The following IMMP1L variants were observed in gnomAD, a reference collection of about 807,000 sequenced individuals.
IMMP1L encodes the protein mitochondrial inner membrane protease subunit 1.
A neutral mutation model predicts 21.8 loss-of-function variants in IMMP1L; 24 were observed. That is an observed-to-expected ratio of 1.10 (90% CI 0.80 to 1.55). The LOEUF (loss-of-function observed/expected upper bound fraction) is 1.55, where lower values mean the gene tolerates loss of function less well. Among genes scored for constraint, IMMP1L ranks in the 40% most tolerant of loss-of-function variants. The probability of loss-of-function intolerance (pLI) is 0.00; values close to 1 mark genes in which losing one functional copy is unlikely to be tolerated. For missense variants in IMMP1L, 195 were observed against 200.7 expected, an observed-to-expected ratio of 0.97 and a Z score of 0.17; for synonymous variants, 46 against 62.8, an observed-to-expected ratio of 0.73 and a Z score of 1.26.
At chr11:31,501,301 A>G (rs1955610515) in intron 1 of IMMP1L, among the ~76,000 whole-genome samples, 1 of 152,202 alleles carries the variant, frequency 6.6e-6, no homozygotes, top group African/African-American at 2.4e-5. Flanking sequence ...TTTAATTCCC[A>G]GTGCAATAGT....
chr11:31,490,917 C>A (rs1955232464), intron 1 of IMMP1L, among the ~76,000 whole-genome samples: 1 of 152,126 alleles, frequency 6.6e-6, no homozygotes, highest in Non-Finnish European at 1.5e-5. Context: ...GAGAAAAGAA[C>A]AATGTGAAAA....
intron 1 of IMMP1L, among the ~76,000 whole-genome samples, chr11:31,471,983 T>TA (rs766209167): frequency 2.0e-5 from 3 of 152,276 alleles, no homozygotes; most frequent in East Asian, 3.9e-4. Context: ...CCTTTACTCA[T>TA]AGCCCCTTTG....
chr11:31,451,723 ATAT>A (rs1564975437), intron 4 of IMMP1L, among the ~76,000 whole-genome samples: 33 of 152,190 alleles, frequency 2.2e-4, no homozygotes, highest in Non-Finnish European at 7.3e-5. Context: ...GTTATACTTG[ATAT>A]AAATTTGAGA....
At chr11:31,444,393 C>T (rs898074790) in intron 4 of IMMP1L, among the ~76,000 whole-genome samples, 1 of 152,062 alleles carries the variant, frequency 6.6e-6, no homozygotes, top group African/African-American at 2.4e-5. Flanking sequence ...CTTTATGTTT[C>T]TGGTTATTTT....
At chr11:31,455,745 A>G (rs1276062002) in intron 4 of IMMP1L, among the ~76,000 whole-genome samples, 2 of 152,088 alleles carry the variant, frequency 1.3e-5, no homozygotes, top group East Asian at 3.8e-4. Context: ...GTTATATTGT[A>G]GAATGACCCT....
In IMMP1L at chr11:31,463,236, C is replaced by G. The variant is rs1164245426; in HGVS notation, c.41G>C (p.Gly14Ala). 3 of 1,612,488 alleles carry G rather than the reference C, an allele frequency of 1.9e-6. No homozygotes were observed. In the South Asian group the frequency reaches 3.3e-5, roughly 18 times the overall value. Residue 14 changes from glycine (G) to alanine (A), a missense_variant, in exon 2 of 6, where the codon GGC becomes GCC. Coordinates refer to ENST00000532287, the MANE Select transcript of IMMP1L (RefSeq NM_001304274.2). ...TATACAGCCATATTGAATAGTATAG[C>G]CAACAAGTCGAAAGGTTTTCCCCAG... is the stretch of plus-strand genomic sequence containing the variant. ...GVLGKTFRLV[G>A]YTIQYGCIAH...
At chr11:31,507,694 A>G (rs1955817364) in intron 1 of IMMP1L, among the ~76,000 whole-genome samples, 1 of 152,158 alleles carries the variant, frequency 6.6e-6, no homozygotes, top group Admixed American at 6.5e-5. Flanking sequence ...ATTTGGTCAA[A>G]GATACATAAT....
chr11:31,473,940 C>G (rs965286771), intron 1 of IMMP1L, among the ~76,000 whole-genome samples: 1 of 152,062 alleles, frequency 6.6e-6, no homozygotes, highest in Non-Finnish European at 1.5e-5. Context: ...TAAGCAATCA[C>G]AGAAATGATT....
chr11:31,468,856 C>T (rs1954451768), intron 1 of IMMP1L, among the ~76,000 whole-genome samples: 3 of 152,122 alleles, frequency 2.0e-5, no homozygotes, highest in Admixed American at 6.5e-5. Flanking sequence ...AAAGATAATG[C>T]TGCATTTAAC....
intron 1 of IMMP1L, chr11:31,473,774 A>G: frequency 1.0e-6 from 1 of 985,018 alleles, no homozygotes; most frequent in South Asian, 4.7e-5. Flanking sequence ...CTGATTGTTC[A>G]GGTCTGAAAT....
chr11:31,504,080 A>C (rs1054914124), intron 1 of IMMP1L, among the ~76,000 whole-genome samples: 4 of 152,242 alleles, frequency 2.6e-5, no homozygotes, highest in Non-Finnish European at 4.4e-5. Context: ...AAAAAAGTCA[A>C]TTCCAATAAA....
intron 4 of IMMP1L, chr11:31,452,866 T>A: frequency 1.5e-6 from 1 of 657,334 alleles, no homozygotes; most frequent in Non-Finnish European, 2.1e-6. Flanking sequence ...TTCTCCTGCC[T>A]CAGCCTCCCA....
In IMMP1L at chr11:31,447,672, T is replaced by G. The variant is rs973065066; in HGVS notation, c.321+8588A>C. On this transcript the variant is annotated intron_variant, in intron 4 of 5. Coordinates refer to ENST00000532287, the MANE Select transcript of IMMP1L (RefSeq NM_001304274.2). ...TTTATACATTTTCTTAAAGTAATTA[T>G]GAAAATTCTGTCCCAGGAGGAAAAC... 5.3e-5 allele frequency among the ~76,000 whole-genome samples: 8 copies of G among 152,232 alleles called. No individual in the cohort carries two copies. In the South Asian group the frequency reaches 6.2e-4, roughly 12 times the overall value.
intron 1 of IMMP1L, among the ~76,000 whole-genome samples, chr11:31,502,304 T>C (rs531521823): frequency 1.3e-5 from 2 of 152,240 alleles, no homozygotes; most frequent in African/African-American, 4.8e-5. Flanking sequence ...TTTTAAATTA[T>C]GTAATAAATG....
chr11:31,443,511 A>C (rs1953408843), intron 4 of IMMP1L, among the ~76,000 whole-genome samples: 1 of 152,126 alleles, frequency 6.6e-6, no homozygotes, highest in African/African-American at 2.4e-5. Flanking sequence ...TTTCATTGTC[A>C]TTCTCCTCGC....
intron 1 of IMMP1L, among the ~76,000 whole-genome samples, chr11:31,495,033 C>T (rs1353817817): frequency 1.3e-5 from 2 of 152,184 alleles, no homozygotes; most frequent in Non-Finnish European, 2.9e-5. Context: ...TCATTTCTTT[C>T]AAGTTCAAAG....
chr11:31,478,025 G>C (rs986129489), intron 1 of IMMP1L, among the ~76,000 whole-genome samples: 2 of 152,180 alleles, frequency 1.3e-5, no homozygotes, highest in Non-Finnish European at 1.5e-5. Context: ...GCCCTACTTA[G>C]AAGAATAAGC....
At chr11:31,508,001 A>C in intron 1 of IMMP1L, among the ~76,000 whole-genome samples, 1 of 152,000 alleles carries the variant, frequency 6.6e-6, no homozygotes. Context: ...ACAGCATCAA[A>C]AATATTTGTA....
At chr11:31,499,468 A>C (rs569256484) in intron 1 of IMMP1L, among the ~76,000 whole-genome samples, 2 of 152,322 alleles carry the variant, frequency 1.3e-5, no homozygotes, top group African/African-American at 4.8e-5. Context: ...AGTGAAAGGC[A>C]CACTAGAGAT....
Sources: allele counts gnomAD v4.1 joint callset (sites outside exome capture counted in the v4.1 genomes callset), GRCh38; gene constraint gnomAD v4.1.1; transcripts MANE v1.5; gene names NCBI Gene and HGNC (gene_info 2026-07-23, HGNC 2026-07-21).